Variants in ADCY10 observed in about 807,000 individuals in gnomAD.
ADCY10 encodes adenylate cyclase type 10.
ADCY10 carries 156 observed loss-of-function variants against 183.3 expected under a neutral mutation model. The observed-to-expected ratio is 0.85, with a 90% CI of 0.75 to 0.97. ADCY10 has a LOEUF of 0.97. Ranked by LOEUF, ADCY10 falls within the 50% of genes least tolerant of loss-of-function variation. The pLI, the probability that ADCY10 is intolerant of heterozygous loss-of-function variation, is 0.00. For synonymous variants in ADCY10, 645 were observed against 670.0 expected (o/e 0.96, Z 0.58); for missense variants, 1,745 against 1,934.3 (o/e 0.90, Z 1.84).
In ADCY10 at chr1:167,880,557, T is replaced by G. The variant is rs371357416; in HGVS notation, c.1073A>C (p.Glu358Ala). ...AGCACATTCCAGAGCATGAGTGAGCTCGTCAGGTACCTTTTCCCCAGGGAA... is the reference window on the plus strand; with the variant it reads ...AGCACATTCCAGAGCATGAGTGAGCGCGTCAGGTACCTTTTCCCCAGGGAA... ...FGFPGEKVPD[E>A]LTHALECAMD... Residue 358 changes from glutamate (E) to alanine (A), a missense_variant, in exon 10 of 33, where the codon GAG becomes GCG. By Grantham distance (107) the Glu-to-Ala change is moderately radical. Transcript: ENST00000367851. 6.2e-7 allele frequency: 1 copy of G among 1,614,088 alleles called. No homozygotes were observed.
intron 3 of ADCY10, among the ~76,000 whole-genome samples, chr1:167,902,256 G>T (rs759509637): frequency 2.0e-5 from 3 of 152,194 alleles, no homozygotes; most frequent in Non-Finnish European, 4.4e-5. Context: ...CGTGGAACCA[G>T]TTTACATCTA....
intron 6 of ADCY10, among the ~76,000 whole-genome samples, chr1:167,897,997 C>CAAAA (rs1163013935): frequency 3.5e-4 from 6 of 17,390 alleles, no homozygotes; most frequent in Non-Finnish European, 5.2e-4. Context: ...GACTCTGTCT[C>CAAAA]AAAAAAAAAA....
chr1:167,898,073 A>G (rs1372025293), intron 6 of ADCY10, among the ~76,000 whole-genome samples: 2 of 149,876 alleles, frequency 1.3e-5, no homozygotes, highest in Non-Finnish European at 3.0e-5. Context: ...GGAACATTCC[A>G]CTAAGTGGAC....
intron 23 of ADCY10, chr1:167,834,312 G>T: frequency 5.2e-6 from 3 of 579,590 alleles, no homozygotes; most frequent in Non-Finnish European, 9.3e-6. Context: ...TCCATCAAGA[G>T]AATGAATCTG....
chr1:167,880,690 C>A (rs536911402), intron 9 of ADCY10, 81 bp from the exon 10 acceptor site: 1 of 1,071,976 alleles, frequency 9.3e-7, no homozygotes, highest in Non-Finnish European at 1.4e-6. Context: ...AACAGAGAGC[C>A]GGCGGCAATT....
chr1:167,833,941 A>G, intron 24 of ADCY10, 29 bp downstream of exon 24: 1 of 1,554,112 alleles, frequency 6.4e-7, no homozygotes, highest in South Asian at 1.1e-5. Flanking sequence ...TATATAACAG[A>G]TAAATTCAAG....
chr1:167,822,696 C>A (rs762323636), intron 29 of ADCY10, among the ~76,000 whole-genome samples: 26 of 152,190 alleles, frequency 1.7e-4, no homozygotes, highest in Non-Finnish European at 3.2e-4. Flanking sequence ...AAGTTAAAAA[C>A]CCCTGGTAAA....
intron 11 of ADCY10, among the ~76,000 whole-genome samples, chr1:167,879,043 T>C (rs901126093): frequency 6.6e-6 from 1 of 152,226 alleles, no homozygotes; most frequent in African/African-American, 2.4e-5. Flanking sequence ...TGTGTCTGCA[T>C]GCTCCTATGA....
chr1:167,912,997 A>G lies in ADCY10; in HGVS notation c.-59+979T>C, dbSNP rs1444655813. On this transcript the variant is annotated intron_variant, in intron 1 of 32. Coordinates refer to ENST00000367851, the MANE Select transcript of ADCY10 (RefSeq NM_018417.6). Reference sequence around the variant, plus strand: ...GCTATATCCCATTTGTATACGCTTTATAGCACTTTGGGGATGTATATGACC... The same window carrying G: ...GCTATATCCCATTTGTATACGCTTTGTAGCACTTTGGGGATGTATATGACC... Among the ~76,000 whole-genome samples the G allele has an allele frequency of 3.3e-5, 5 of 152,332 alleles. No individual in the cohort carries two copies. In the East Asian group the frequency reaches 9.6e-4, roughly 29 times the overall value.
chr1:167,832,968 C>A lies in ADCY10; in HGVS notation c.3593+19G>T, dbSNP rs1317978165. The stretch of plus-strand genomic sequence containing the variant: ...GGAGTGAGACTAAACAGTCTGCTCT[C>A]CCCAGCTCCTTCCCTTACCCTGGAG... On this transcript the variant is annotated intron_variant, in intron 25 of 32. Transcript: ENST00000367851. The A allele has an allele frequency of 3.1e-6, 5 of 1,612,202 alleles. No homozygotes were observed. In the South Asian group the frequency reaches 5.5e-5, roughly 18 times the overall value.
intron 8 of ADCY10, among the ~76,000 whole-genome samples, chr1:167,889,457 G>A (rs777193253): frequency 1.0e-4 from 14 of 137,388 alleles, no homozygotes; most frequent in Non-Finnish European, 3.4e-5. Context: ...TTTTTAATAT[G>A]TTGTTGAACC....
rs1422815141 is a variant in ADCY10 at position 167,837,261 on chromosome 1, G to A, written c.3065C>T (p.Pro1022Leu). ...SEIPETSAFF[P>L]ENRSPEEIRE... is the part of the protein sequence containing the mutation. Reference sequence around the variant, plus strand: ...TATATGCCTCTACCTGCGATTTTCAGGAAAAAATGCAGATGTCTCAGGAAT... The same window carrying A: ...TATATGCCTCTACCTGCGATTTTCAAGAAAAAATGCAGATGTCTCAGGAAT... The change falls in exon 22 of 33, where the codon CCT becomes CTT. Residue 1022 changes from proline to leucine, a missense_variant. Coordinates refer to ENST00000367851, the MANE Select transcript of ADCY10 (RefSeq NM_018417.6). 4 of 1,613,506 alleles carry A rather than the reference G, an allele frequency of 2.5e-6. No homozygotes were observed. The highest frequency in any genetic ancestry group is 3.4e-6 in the Non-Finnish European group (4 of 1,179,678).
At chr1:167,820,471 C>T (rs1662834755) in intron 30 of ADCY10, 2 of 405,036 alleles carry the variant, frequency 4.9e-6, no homozygotes, top group African/African-American at 2.1e-5. Flanking sequence ...TAGGACACAG[C>T]TGTTTAAAAA....
chr1:167,896,735 G>A, intron 6 of ADCY10, 44 bp from the exon 7 acceptor site: 1 of 1,336,094 alleles, frequency 7.5e-7, no homozygotes, highest in Non-Finnish European at 1.1e-6. Context: ...TCTGAGAACT[G>A]TTTAATCCTT....
chr1:167,833,139 T>C lies in ADCY10; in HGVS notation c.3441A>G (p.Ile1147Met), dbSNP rs146747556. 8.1e-6 allele frequency: 13 copies of C among 1,614,162 alleles called. No homozygotes were observed. The highest frequency in any genetic ancestry group is 1.1e-5 in the Non-Finnish European group (13 of 1,180,024). Residue 1147 changes from isoleucine (I) to methionine (M), a missense_variant, in exon 25 of 33, where the codon ATA becomes ATG. Coordinates refer to ENST00000367851, the MANE Select transcript of ADCY10 (RefSeq NM_018417.6). ...TCCTCAGCATTTTCTTGGCAAGCACTATCTGGCCCATATTGAAACAGACCT... is the reference window on the plus strand; with the variant it reads ...TCCTCAGCATTTTCTTGGCAAGCACCATCTGGCCCATATTGAAACAGACCT... ...KGEVCFNMGQIVLAKKMLRKA... is the reference protein window; with the variant it reads ...KGEVCFNMGQMVLAKKMLRKA...
At chr1:167,904,082 CTTT>C (rs879025060) in intron 2 of ADCY10, 91 bp from the exon 3 acceptor site, 9,016 of 349,958 alleles carry the variant, frequency 0.026, no homozygotes, top group Middle Eastern at 0.036. Flanking sequence ...CGGGCCTCAG[CTTT>C]TTTTTTTTTT....
chr1:167,892,369 T>A (rs1157555454), intron 8 of ADCY10, among the ~76,000 whole-genome samples: 2 of 152,192 alleles, frequency 1.3e-5, no homozygotes, highest in African/African-American at 2.4e-5. Context: ...TTTAAGGACT[T>A]CTCTTCTTTG....
intron 24 of ADCY10, 136 bp downstream of exon 24, chr1:167,833,834 G>T: frequency 2.9e-6 from 2 of 691,438 alleles, no homozygotes; most frequent in Non-Finnish European, 5.1e-6. Flanking sequence ...CCAGGGATTT[G>T]AGTTTCTAGA....
chr1:167,876,129 C>T (rs563039386), intron 12 of ADCY10, among the ~76,000 whole-genome samples: 86 of 151,200 alleles, frequency 5.7e-4, no homozygotes, highest in African/African-American at 1.8e-3. Flanking sequence ...TGGTGGCTTG[C>T]GCCTGCCATC....
Sources: allele counts gnomAD v4.1 joint callset (sites outside exome capture counted in the v4.1 genomes callset), GRCh38; gene constraint gnomAD v4.1.1; transcripts MANE v1.5; gene names NCBI Gene and HGNC (gene_info 2026-07-23, HGNC 2026-07-21).